Variants in MTHFSD observed in about 807,000 individuals in gnomAD.
MTHFSD encodes the protein methenyltetrahydrofolate synthase domain-containing protein.
A neutral mutation model predicts 31.1 loss-of-function variants in MTHFSD; 37 were observed. The observed-to-expected ratio is 1.19, with a 90% CI of 0.91 to 1.56. The LOEUF is 1.56. MTHFSD is among the 40% of genes most tolerant of loss of function. MTHFSD has a pLI of 0.00. For missense variants in MTHFSD, 664 were observed against 510.1 expected (o/e 1.30, Z -2.91); for synonymous variants, 221 against 206.9 (o/e 1.07, Z -0.59).
chr16:86,552,041 C>T lies in MTHFSD; in HGVS notation c.229G>A (p.Val77Met), dbSNP rs759049196. The T allele has an allele frequency of 1.9e-5, 31 of 1,614,050 alleles. No individual in the cohort carries two copies. The Admixed American group carries it at 4.2e-4, about 22-fold the overall frequency. ...DKPLEGVRLL[V>M]LQSKKTLLVP... The stretch of plus-strand genomic sequence containing the variant: ...CAGGGAAGTGGAATTACCTGCAGCA[C>T]CAGCAGCCGAACGCCTTCCAGTGGT... Residue 77 changes from valine (V) to methionine (M), a missense_variant, in exon 3 of 8, where the codon GTG becomes ATG. Val to Met is a conservative substitution (Grantham distance 21). Transcript: ENST00000360900.
intron 7 of MTHFSD, among the ~76,000 whole-genome samples, chr16:86,538,112 C>G (rs1194100788): frequency 6.6e-6 from 1 of 152,248 alleles, no homozygotes; most frequent in Non-Finnish European, 1.5e-5. Context: ...TTCTCCTGAG[C>G]CCTCAGTCTC....
intron 4 of MTHFSD, 30 bp downstream of exon 4, chr16:86,548,434 C>G: frequency 6.4e-7 from 1 of 1,555,690 alleles, no homozygotes; most frequent in Non-Finnish European, 8.9e-7. Context: ...CAGTTCTTTC[C>G]TAGGTGGGGA....
intron 3 of MTHFSD, among the ~76,000 whole-genome samples, chr16:86,548,949 T>G (rs1004155101): frequency 6.6e-6 from 1 of 152,212 alleles, no homozygotes; most frequent in Non-Finnish European, 1.5e-5. Context: ...CAGCACCAAG[T>G]GCGACACAGT....
At position 86,546,633 on chromosome 16, in the gene MTHFSD, C is replaced by G. The variant is rs1343307781; in HGVS notation, c.368G>C (p.Ser123Thr). The G allele has an allele frequency of 6.2e-7, 1 of 1,613,858 alleles. No homozygotes were observed. Among genetic ancestry groups the G allele is most frequent in the Non-Finnish European group, 8.5e-7 (1 of 1,179,952 alleles). ...CATSQGVRNY[S>T]VPIGLDSRVL... ...TCTGGAGTCCAAGCCTATGGGGACA[C>G]TGTAGTTCCTCACACCCTGCACACA... The change falls in exon 5 of 8, where the codon AGT becomes ACT. Residue 123 changes from serine to threonine, a missense_variant. Transcript: ENST00000360900.
chr16:86,547,756 C>A (rs575350009), intron 4 of MTHFSD, among the ~76,000 whole-genome samples: 3 of 152,006 alleles, frequency 2.0e-5, no homozygotes, highest in Non-Finnish European at 4.4e-5. Context: ...AATAAGTAAA[C>A]AATGAAACGT....
In MTHFSD at chr16:86,532,320, G is replaced by C. The variant is rs570782551; in HGVS notation, c.843C>G (p.Asp281Glu). 2 of 1,595,498 alleles carry C rather than the reference G, an allele frequency of 1.3e-6. No homozygotes were observed. The highest frequency in any genetic ancestry group is 4.5e-5 in the East Asian group (2 of 43,970). ...VPLSVGRRPP[D>E]TPGPETNSME... ...TGGAATTGGTTTCTGGTCCGGGTGT[G>C]TCCGGGGGCCTCCTGCCAACACTCA... The change falls in exon 8 of 8, where the codon GAC becomes GAG. Residue 281 changes from aspartate (D) to glutamate (E), a missense_variant. Physicochemically the swap from Asp to Glu is conservative, Grantham distance 45. Transcript: ENST00000360900.
intron 6 of MTHFSD, 138 bp downstream of exon 6, chr16:86,541,963 A>G (rs557662828): frequency 1.8e-4 from 245 of 1,363,350 alleles, no homozygotes; most frequent in Non-Finnish European, 1.8e-5. Context: ...CCGCTGTACC[A>G]CTAGCAAGTC....
intron 5 of MTHFSD, among the ~76,000 whole-genome samples, chr16:86,543,385 T>C (rs1971801970): frequency 6.6e-6 from 1 of 152,210 alleles, no homozygotes; most frequent in African/African-American, 2.4e-5. Context: ...TCCGAGGCAT[T>C]GGCCCCCATG....
rs78283993 is a variant in MTHFSD at position 86,551,916 on chromosome 16, G to T, written c.237+117C>A. ...ACCAAGGGCACTTTCTGTATTGGAGGGAATCGGAAGCACCGACTTTCTAAA... is the reference window on the plus strand; with the variant it reads ...ACCAAGGGCACTTTCTGTATTGGAGTGAATCGGAAGCACCGACTTTCTAAA... On this transcript the variant is annotated intron_variant, in intron 3 of 7. Transcript: ENST00000360900. 6.2e-4 allele frequency: 935 copies of T among 1,510,304 alleles called. 6 individuals carry two copies. In the African/African-American group the frequency reaches 0.011, roughly 18 times the overall value. 93.6% of individuals were successfully genotyped at this position (1,510,304 alleles called of 1,614,324 possible).
At chr16:86,547,389 C>T (rs962700338) in intron 4 of MTHFSD, 36 of 985,678 alleles carry the variant, frequency 3.7e-5, no homozygotes, top group South Asian at 1.9e-4. Context: ...ACTGATCATT[C>T]GATGTGGCGG....
At chr16:86,547,358 T>C (rs936131193) in intron 4 of MTHFSD, 11 of 985,738 alleles carry the variant, frequency 1.1e-5, no homozygotes, top group African/African-American at 1.7e-5. Flanking sequence ...AAAGCCATTT[T>C]CAGTCCCGTA....
intron 3 of MTHFSD, among the ~76,000 whole-genome samples, chr16:86,550,587 T>C (rs1298927878): frequency 3.3e-5 from 5 of 152,180 alleles, no homozygotes; most frequent in Admixed American, 6.5e-5. Context: ...TGGTTTCAAG[T>C]GTCACAGAGG....
At chr16:86,550,857 G>A (rs572685876) in intron 3 of MTHFSD, among the ~76,000 whole-genome samples, 2 of 152,286 alleles carry the variant, frequency 1.3e-5, no homozygotes, top group South Asian at 2.1e-4. Flanking sequence ...TCTCCCACAC[G>A]AGCCTGGACC....
intron 5 of MTHFSD, among the ~76,000 whole-genome samples, chr16:86,543,197 A>G (rs1971772056): frequency 6.6e-6 from 1 of 152,254 alleles, no homozygotes; most frequent in Non-Finnish European, 1.5e-5. Context: ...ATCAAAGGCA[A>G]AGGAGATGCT....
At position 86,541,829 on chromosome 16, in the gene MTHFSD, G is replaced by T. The variant is rs1162093674; in HGVS notation, c.556-7C>A. ...CTTCAGGGATGTCCACGACCTGGGG[G>T]AAGAGAGGAGGGATAAAGGGGCTGC... is the stretch of plus-strand genomic sequence containing the variant. On this transcript the variant is annotated splice_region_variant and splice_polypyrimidine_tract_variant and intron_variant, in intron 6 of 7. Transcript: ENST00000360900. 1 of 1,613,742 alleles carries T rather than the reference G, an allele frequency of 6.2e-7. No individual in the cohort carries two copies. Among genetic ancestry groups the T allele is most frequent in the South Asian group, 1.1e-5 (1 of 91,056 alleles).
chr16:86,550,819 G>A (rs573111550), intron 3 of MTHFSD, among the ~76,000 whole-genome samples: 1 of 152,198 alleles, frequency 6.6e-6, no homozygotes, highest in African/African-American at 2.4e-5. Flanking sequence ...CTCTCTTGGG[G>A]CTGAACCACC....
At position 86,534,468 on chromosome 16, in the gene MTHFSD, T is replaced by G. The variant is rs534374868; in HGVS notation, c.682-1987A>C. Among the ~76,000 whole-genome samples, 3 of 152,312 alleles carry G rather than the reference T, an allele frequency of 2.0e-5. No individual in the cohort carries two copies. The East Asian group carries it at 5.8e-4, about 29-fold the overall frequency. ...ATGCTTGCTTCTGCCATAGGGAAGC[T>G]TGAGGTGCTACTGGACACAGATGGG... On this transcript the variant is annotated intron_variant, in intron 7 of 7. Transcript: ENST00000360900.
chr16:86,545,626 A>G (rs1244986049), intron 5 of MTHFSD, among the ~76,000 whole-genome samples: 2 of 152,068 alleles, frequency 1.3e-5, no homozygotes, highest in Non-Finnish European at 2.9e-5. Flanking sequence ...GCCGCTACTG[A>G]GGAGATGCCC....
At chr16:86,547,669 A>C (rs8049540) in intron 4 of MTHFSD, 25,252 of 483,846 alleles carry the variant, frequency 0.052, 769 homozygotes, top group Middle Eastern at 0.082. Context: ...TTCTCTCTCT[A>C]TATATATATT....
Sources: gnomAD v4.1 joint callset for allele counts (sites outside exome capture counted in the v4.1 genomes callset) on GRCh38, gnomAD v4.1.1 for gene constraint, MANE v1.5 for transcripts, NCBI Gene and HGNC (gene_info 2026-07-23, HGNC 2026-07-21) for gene names.